HOMER2: variants seen among roughly 807,000 people sequenced by gnomAD.
HOMER2 encodes the protein homer scaffold protein 2.
In HOMER2, 27 loss-of-function variants were observed where a neutral mutation model predicts 47.0. The observed-to-expected ratio is 0.57, with a 90% CI of 0.42 to 0.79. The LOEUF is 0.79. Among genes scored for constraint, HOMER2 ranks in the 30% least tolerant of loss-of-function variants. The pLI is 0.00. For missense variants in HOMER2, 443 were observed against 435.0 expected (o/e 1.02, Z -0.16); for synonymous variants, 161 against 163.8 (o/e 0.98, Z 0.13).
At chr15:82,952,904 C>T (rs928827883), upstream of HOMER2, among the ~76,000 whole-genome samples, 3 of 151,990 alleles carry the variant, frequency 2.0e-5, no homozygotes, top group Admixed American at 6.5e-5. Context: ...GCTTTTCTCC[C>T]GGGCCACCCA....
downstream of HOMER2, among the ~76,000 whole-genome samples, chr15:82,847,922 G>A (rs1200520572): frequency 1.1e-4 from 17 of 152,288 alleles, no homozygotes; most frequent in East Asian, 5.8e-4. Flanking sequence ...CCTGAGAGCC[G>A]TCTGGAGCTC....
chr15:82,952,502 C>G, intron 1 of HOMER2, 29 bp downstream of exon 1: 7 of 1,187,786 alleles, frequency 5.9e-6, no homozygotes, highest in Non-Finnish European at 7.3e-6. Context: ...GAGGGGCGCG[C>G]GGAGAGCGCG....
chr15:82,882,881 C>CTTTTTTTTTTTT (rs757073475), intron 2 of HOMER2, among the ~76,000 whole-genome samples: 11 of 27,044 alleles, frequency 4.1e-4, no homozygotes, highest in South Asian at 1.6e-3. Flanking sequence ...CCAGCCACTG[C>CTTTTTTTTTTTT]TTTTTTTTTT....
At chr15:82,840,000 A>T (rs1447404233) in exon 2 of HOMER2, 1 of 152,202 alleles carries the variant, frequency 6.6e-6, no homozygotes, top group Admixed American at 6.5e-5. Flanking sequence ...ACAACAAAAT[A>T]AACTACCTGG....
At chr15:82,971,691 G>A (rs2029994320) in intron 1 of HOMER2, among the ~76,000 whole-genome samples, 1 of 151,912 alleles carries the variant, frequency 6.6e-6, no homozygotes, top group Non-Finnish European at 1.5e-5. Context: ...ATTAATCTCT[G>A]ACTGTGCTAA....
chr15:82,876,999 G>C (rs746526032), intron 2 of HOMER2, among the ~76,000 whole-genome samples: 6 of 152,166 alleles, frequency 3.9e-5, no homozygotes, highest in Non-Finnish European at 5.9e-5. Flanking sequence ...GAAAACCTTA[G>C]CTTAGCTGGT....
intron 3 of HOMER2, among the ~76,000 whole-genome samples, chr15:82,872,901 G>A (rs1419910697): frequency 5.3e-5 from 8 of 152,142 alleles, no homozygotes; most frequent in Non-Finnish European, 1.5e-5. Flanking sequence ...AACATCAATG[G>A]GTCCAAATGG....
At chr15:82,900,739 T>C (rs187097369) in intron 1 of HOMER2, among the ~76,000 whole-genome samples, 3 of 152,148 alleles carry the variant, frequency 2.0e-5, no homozygotes, top group Admixed American at 2.0e-4. Context: ...CTAGGAAGAG[T>C]CTGCATCTGC....
intron 2 of HOMER2, among the ~76,000 whole-genome samples, chr15:82,890,903 G>A (rs1029425450): frequency 2.1e-4 from 32 of 152,028 alleles, no homozygotes; most frequent in Admixed American, 9.8e-4. Flanking sequence ...GGAGAGAAAC[G>A]GTAATTACAA....
chr15:82,964,469 T>C (rs2054656426), intron 1 of HOMER2, among the ~76,000 whole-genome samples: 1 of 152,224 alleles, frequency 6.6e-6, no homozygotes, highest in Non-Finnish European at 1.5e-5. Flanking sequence ...TTTGTTTTAA[T>C]TAAAACACAA....
At chr15:82,896,532 T>C (rs766982524) in intron 1 of HOMER2, among the ~76,000 whole-genome samples, 3 of 152,182 alleles carry the variant, frequency 2.0e-5, no homozygotes, top group Non-Finnish European at 4.4e-5. Context: ...GGCCACACTC[T>C]TGGTCAACAT....
At chr15:82,873,659 G>A (rs753786656) in intron 3 of HOMER2, among the ~76,000 whole-genome samples, 2 of 152,240 alleles carry the variant, frequency 1.3e-5, no homozygotes, top group African/African-American at 2.4e-5. Flanking sequence ...TGGTGATCTG[G>A]AGGTTTTAGC....
chr15:82,919,322 C>T (rs77280091), intron 1 of HOMER2, among the ~76,000 whole-genome samples: 1 of 152,222 alleles, frequency 6.6e-6, no homozygotes, highest in Non-Finnish European at 1.5e-5. Context: ...AGGGAAGTCA[C>T]AACGGGTTGC....
At position 82,892,849 on chromosome 15, in the gene HOMER2, AAG is replaced by A. The variant is rs1267347068; in HGVS notation, c.6-10_6-9del. 1 of 1,551,536 alleles carries A rather than the reference AAG, an allele frequency of 6.4e-7. No homozygotes were observed. The highest frequency in any genetic ancestry group is 1.2e-5 in the South Asian group (1 of 82,118). ...GTGAAGATGGGCTGTTCTCTGCAATAAGAGAGTGGGCGTGTGAGTTGAGAGAA... is the reference window on the plus strand; with the variant it reads ...GTGAAGATGGGCTGTTCTCTGCAATAAGAGTGGGCGTGTGAGTTGAGAGAA... On this transcript the variant is annotated splice_polypyrimidine_tract_variant and intron_variant, in intron 1 of 8. Transcript: ENST00000450735.
chr15:82,951,091 G>A (rs1373932491), intron 1 of HOMER2, among the ~76,000 whole-genome samples: 1 of 152,160 alleles, frequency 6.6e-6, no homozygotes, highest in Non-Finnish European at 1.5e-5. Context: ...TCAAAGATCA[G>A]CCTTTTCACA....
At chr15:82,854,044 G>C (rs575617905) in intron 6 of HOMER2, among the ~76,000 whole-genome samples, 23 of 152,326 alleles carry the variant, frequency 1.5e-4, no homozygotes, top group Middle Eastern at 3.4e-3. Flanking sequence ...CTCTGAGAGA[G>C]ACAGGGCTGA....
chr15:82,974,913 T>C (rs1567080198), intron 1 of HOMER2, among the ~76,000 whole-genome samples: 1 of 151,796 alleles, frequency 6.6e-6, no homozygotes, highest in Non-Finnish European at 1.5e-5. Context: ...CTACTAAACA[T>C]ACAAAAATTA....
At chr15:82,881,386 C>G (rs767288442) in intron 2 of HOMER2, among the ~76,000 whole-genome samples, 1 of 152,168 alleles carries the variant, frequency 6.6e-6, no homozygotes, top group Non-Finnish European at 1.5e-5. Context: ...TTTCCCAAAT[C>G]CAGGGAGATG....
In HOMER2 at chr15:82,971,840, A is replaced by AAGAGGTAC. The variant is rs531660106; in HGVS notation, n.83-12540_83-12533dup. 8.8e-4 allele frequency among the ~76,000 whole-genome samples: 134 copies of AAGAGGTAC among 152,304 alleles called. 1 individual carries two copies. The highest frequency in any genetic ancestry group is 2.2e-3 in the Admixed American group (33 of 15,302). On this transcript the variant is annotated intron_variant and non_coding_transcript_variant, in intron 1 of 1. Coordinates refer to the HOMER2 transcript ENST00000500334. The stretch of plus-strand genomic sequence containing the variant: ...GTAATATTATGACTGTCATCTTTCC[A>AAGAGGTAC]AGAGGTACATCAGGACACAGACTAC...
Sources: gnomAD v4.1 joint callset for allele counts (sites outside exome capture counted in the v4.1 genomes callset) on GRCh38, gnomAD v4.1.1 for gene constraint, MANE v1.5 for transcripts, NCBI Gene and HGNC (gene_info 2026-07-23, HGNC 2026-07-21) for gene names.